Variants in PLA2G4A observed in about 807,000 individuals in gnomAD.
The protein encoded by PLA2G4A is cytosolic phospholipase A2.
PLA2G4A carries 40 observed loss-of-function variants against 81.9 expected under a neutral mutation model. The observed-to-expected ratio is 0.49, with a 90% CI of 0.38 to 0.64. The LOEUF is 0.64. Ranked by LOEUF, PLA2G4A falls within the 30% of genes least tolerant of loss-of-function variation. The probability of loss-of-function intolerance (pLI) is 0.00; values close to 1 mark genes in which losing one functional copy is unlikely to be tolerated. For missense variants in PLA2G4A, 715 were observed against 905.1 expected, an observed-to-expected ratio of 0.79 and a Z score of 2.69; for synonymous variants, 302 against 296.9, an observed-to-expected ratio of 1.02 and a Z score of -0.18.
intron 17 of PLA2G4A, among the ~76,000 whole-genome samples, chr1:186,983,359 G>A (rs1421965910): frequency 6.6e-6 from 1 of 152,130 alleles, no homozygotes; most frequent in South Asian, 2.1e-4. Flanking sequence ...CAATTACATA[G>A]ACAACAGTTT....
intron 3 of PLA2G4A, among the ~76,000 whole-genome samples, chr1:186,887,733 T>C (rs1653985353): frequency 6.6e-6 from 1 of 152,180 alleles, no homozygotes. Context: ...TACATTTAAC[T>C]TTTTCTTTAA....
chr1:186,871,447 T>A (rs1653264750), intron 3 of PLA2G4A, among the ~76,000 whole-genome samples: 1 of 152,148 alleles, frequency 6.6e-6, no homozygotes, highest in African/African-American at 2.4e-5. Context: ...AAACAGGTTT[T>A]GGGAAAGAGA....
intron 2 of PLA2G4A, among the ~76,000 whole-genome samples, chr1:186,863,917 C>A (rs143558408): frequency 6.6e-6 from 1 of 152,056 alleles, no homozygotes; most frequent in East Asian, 1.9e-4. Context: ...CCTGCCACCA[C>A]GCCTGGCTAA....
At chr1:186,875,273 C>A (rs1036436447) in intron 3 of PLA2G4A, among the ~76,000 whole-genome samples, 1 of 151,938 alleles carries the variant, frequency 6.6e-6, no homozygotes, top group Non-Finnish European at 1.5e-5. Context: ...GCTGATTTTA[C>A]TTTTGTAAAA....
At chr1:186,890,654 G>A (rs547147039) in intron 3 of PLA2G4A, among the ~76,000 whole-genome samples, 1 of 151,878 alleles carries the variant, frequency 6.6e-6, no homozygotes, top group South Asian at 2.1e-4. Context: ...AGGAGATCGA[G>A]ACCATCCTGG....
At chr1:186,966,294 A>C (rs541366330) in intron 15 of PLA2G4A, among the ~76,000 whole-genome samples, 50 of 152,028 alleles carry the variant, frequency 3.3e-4, no homozygotes, top group Admixed American at 9.2e-4. Context: ...GTTAATGAAG[A>C]AGGTATTACT....
chr1:186,957,317 TA>T (rs1217928704), intron 14 of PLA2G4A, among the ~76,000 whole-genome samples: 3 of 151,936 alleles, frequency 2.0e-5, no homozygotes, highest in African/African-American at 7.3e-5. Context: ...GGAATTTAAA[TA>T]AGGGAATTAG....
At position 186,845,100 on chromosome 1, in the gene PLA2G4A, G is replaced by A. The variant is rs115530275; in HGVS notation, c.-69-9186G>A. On this transcript the variant is annotated intron_variant, in intron 1 of 17. Coordinates refer to ENST00000367466, the MANE Select transcript of PLA2G4A (RefSeq NM_024420.3). The stretch of plus-strand genomic sequence containing the variant: ...TGGTGGGTGCCTGTAGTCCATGCTA[G>A]TCGGGAGGCTGAGGCCCCAGAATTG... 6.1e-3 allele frequency among the ~76,000 whole-genome samples: 930 copies of A among 152,148 alleles called. 5 individuals are homozygous for A. The highest frequency in any genetic ancestry group is 0.022 in the African/African-American group (894 of 41,518).
At chr1:186,880,002 A>C (rs1653669291) in intron 3 of PLA2G4A, among the ~76,000 whole-genome samples, 1 of 151,738 alleles carries the variant, frequency 6.6e-6, no homozygotes, top group Non-Finnish European at 1.5e-5. Context: ...CTCCCACCCC[A>C]CAACAGGCCC....
intron 15 of PLA2G4A, among the ~76,000 whole-genome samples, chr1:186,973,312 T>C (rs923283727): frequency 1.6e-4 from 24 of 152,208 alleles, no homozygotes; most frequent in African/African-American, 5.5e-4. Context: ...CTCCAATCTC[T>C]GCCTTCATTT....
rs1191808218 is a variant in PLA2G4A, at chr1:186,971,293, G to A, written c.1764+5700G>A. ...AGTACCATACTGCATTTTAATAACT[G>A]TAGCTTTATTATGTGCCTACTATAA... On this transcript the variant is annotated intron_variant, in intron 15 of 17. Coordinates refer to ENST00000367466, the MANE Select transcript of PLA2G4A (RefSeq NM_024420.3). Among the ~76,000 whole-genome samples, 3 of 151,938 alleles carry A rather than the reference G, an allele frequency of 2.0e-5. No homozygotes were observed. The East Asian group carries it at 5.8e-4, about 29-fold the overall frequency.
intron 15 of PLA2G4A, among the ~76,000 whole-genome samples, chr1:186,975,697 C>G (rs149700229): frequency 6.6e-6 from 1 of 152,134 alleles, no homozygotes; most frequent in Non-Finnish European, 1.5e-5. Context: ...TGTGTTTGTT[C>G]GTTCCTCATT....
At chr1:186,850,299 T>C (rs1652327522) in intron 1 of PLA2G4A, among the ~76,000 whole-genome samples, 1 of 152,140 alleles carries the variant, frequency 6.6e-6, no homozygotes, top group Non-Finnish European at 1.5e-5. Flanking sequence ...AAAGCCACCA[T>C]TGTAGACCAT....
At chr1:186,901,804 T>C (rs1654548714) in intron 5 of PLA2G4A, among the ~76,000 whole-genome samples, 1 of 152,160 alleles carries the variant, frequency 6.6e-6, no homozygotes, top group African/African-American at 2.4e-5. Flanking sequence ...TCTTTAAAAG[T>C]CTTTCAAGTC....
intron 14 of PLA2G4A, among the ~76,000 whole-genome samples, chr1:186,964,403 T>C (rs1398106620): frequency 2.0e-5 from 3 of 152,200 alleles, no homozygotes; most frequent in Non-Finnish European, 2.9e-5. Context: ...CCTCTTTTTC[T>C]TCAGACCCCT....
intron 3 of PLA2G4A, among the ~76,000 whole-genome samples, chr1:186,884,006 GTTTATA>G (rs990755961): frequency 3.3e-5 from 5 of 152,010 alleles, no homozygotes; most frequent in African/African-American, 7.2e-5. Context: ...CCCAATATTT[GTTTATA>G]TTTATAAGTT....
At chr1:186,835,542 A>C (rs970126612) in intron 1 of PLA2G4A, among the ~76,000 whole-genome samples, 4 of 152,166 alleles carry the variant, frequency 2.6e-5, no homozygotes, top group African/African-American at 9.7e-5. Flanking sequence ...TGATTTCTTA[A>C]TATCCATTAG....
intron 13 of PLA2G4A, among the ~76,000 whole-genome samples, chr1:186,955,897 C>A (rs1425150091): frequency 5.2e-5 from 2 of 38,666 alleles, no homozygotes; most frequent in Non-Finnish European, 1.0e-4. Context: ...CCATGACCAG[C>A]TAATTTTTTT....
intron 1 of PLA2G4A, among the ~76,000 whole-genome samples, chr1:186,842,343 G>A (rs753512332): frequency 6.6e-6 from 1 of 151,920 alleles, no homozygotes; most frequent in Non-Finnish European, 1.5e-5. Context: ...GCGCCCGGCT[G>A]CATATCATGT....
Sources: gnomAD v4.1 joint callset for allele counts (sites outside exome capture counted in the v4.1 genomes callset) on GRCh38, gnomAD v4.1.1 for gene constraint, MANE v1.5 for transcripts, NCBI Gene and HGNC (gene_info 2026-07-23, HGNC 2026-07-21) for gene names.